The following SPESP1 variants were observed in gnomAD, a reference collection of about 807,000 sequenced individuals.
SPESP1 encodes the protein equatorial segment protein.
In SPESP1, 1 loss-of-function variant was observed where a neutral mutation model predicts 3.1. That is an observed-to-expected ratio of 0.33 (90% CI 0.12 to 1.54). The LOEUF (loss-of-function observed/expected upper bound fraction) is 1.54. Ranked by LOEUF, SPESP1 falls within the 40% of genes most tolerant of loss-of-function variation. The pLI, the probability that SPESP1 is intolerant of heterozygous loss-of-function variation, is 0.38. For synonymous variants in SPESP1, 138 were observed against 150.7 expected (o/e 0.92, Z 0.62); for missense variants, 398 against 410.1 (o/e 0.97, Z 0.26).
At chr15:68,932,383 CT>C (rs1460116441) in intron 1 of SPESP1, among the ~76,000 whole-genome samples, 14 of 149,170 alleles carry the variant, frequency 9.4e-5, no homozygotes, top group South Asian at 2.1e-4. Context: ...CTCCCCTTCC[CT>C]TTTCCCCCCC....
intron 1 of SPESP1, among the ~76,000 whole-genome samples, chr15:68,941,810 T>C (rs1375552506): frequency 6.6e-6 from 1 of 152,234 alleles, no homozygotes; most frequent in Non-Finnish European, 1.5e-5. Flanking sequence ...ACTATAACTC[T>C]TCATATTGAT....
Position 68,943,622 on chromosome 15 carries a change from C to T in SPESP1, c.65-1977C>T, listed in dbSNP as rs370670063. 1.6e-3 allele frequency among the ~76,000 whole-genome samples: 247 copies of T among 152,136 alleles called. 1 individual carries two copies. The highest frequency in any genetic ancestry group is 5.7e-3 in the African/African-American group (236 of 41,498). On this transcript the variant is annotated intron_variant, in intron 1 of 1. Transcript: ENST00000310673. ...CAGAACTTCCACCTCAAGCAGCCAC[C>T]CCCTGATTTTACAGTTTTTGGGGGT... is the stretch of plus-strand genomic sequence containing the variant.
chr15:68,941,199 T>C (rs960328800), intron 1 of SPESP1, among the ~76,000 whole-genome samples: 10 of 152,312 alleles, frequency 6.6e-5, no homozygotes, highest in East Asian at 1.9e-4. Flanking sequence ...AGAAACATAT[T>C]AAATGTATAA....
chr15:68,939,534 A>G (rs968769756), intron 1 of SPESP1, among the ~76,000 whole-genome samples: 1 of 152,214 alleles, frequency 6.6e-6, no homozygotes, highest in African/African-American at 2.4e-5. Flanking sequence ...GCAAGAGCAG[A>G]CCTGATTAGT....
chr15:68,940,776 A>G (rs1895801695), intron 1 of SPESP1, among the ~76,000 whole-genome samples: 2 of 149,630 alleles, frequency 1.3e-5, no homozygotes, highest in South Asian at 4.2e-4. Context: ...TTTTTTTGCA[A>G]GACTACTTCA....
At chr15:68,934,595 C>T (rs1895636866) in intron 1 of SPESP1, among the ~76,000 whole-genome samples, 1 of 152,046 alleles carries the variant, frequency 6.6e-6, no homozygotes, top group Admixed American at 6.6e-5. Context: ...GTTTCATTAG[C>T]CTGTCCATTG....
At chr15:68,945,532 G>T (rs1376465820) in intron 1 of SPESP1, 67 bp from the exon 2 acceptor site, 35 of 1,286,386 alleles carry the variant, frequency 2.7e-5, no homozygotes, top group Non-Finnish European at 3.4e-5. Context: ...TTGGTCAGTA[G>T]ATTCTGTCAG....
Position 68,946,470 on chromosome 15 carries a change from A to G in SPESP1, c.936A>G (p.Glu312=). Reference sequence around the variant, plus strand: ...GTAATTCTAGATCTAAACTCTATGAATATTTAGATATTAAATGTGTTCCAC... The same window carrying G: ...GTAATTCTAGATCTAAACTCTATGAGTATTTAGATATTAAATGTGTTCCAC... ...MLCNSRSKLY[E]YLDIKCVPPE... Residue 312 remains glutamate (E), a synonymous_variant, in exon 2 of 2, where the codon GAA becomes GAG. Coordinates refer to ENST00000310673, the MANE Select transcript of SPESP1 (RefSeq NM_145658.4). 6.2e-7 allele frequency: 1 copy of G among 1,613,736 alleles called. No homozygotes were observed. Among genetic ancestry groups the G allele is most frequent in the South Asian group, 1.1e-5 (1 of 90,898 alleles).
At chr15:68,933,346 T>C (rs1014932993) in intron 1 of SPESP1, among the ~76,000 whole-genome samples, 3 of 151,840 alleles carry the variant, frequency 2.0e-5, no homozygotes, top group Admixed American at 6.6e-5. Flanking sequence ...CTCCTTTACA[T>C]ACACACACAC....
At chr15:68,943,615 C>T (rs1328612520) in intron 1 of SPESP1, among the ~76,000 whole-genome samples, 1 of 152,124 alleles carries the variant, frequency 6.6e-6, no homozygotes, top group Non-Finnish European at 1.5e-5. Context: ...CCACCTCAAG[C>T]AGCCACCCCC....
Position 68,945,679 on chromosome 15 carries a change from T to C in SPESP1, c.145T>C (p.Ser49Pro). ...VLENLVRSVP[S>P]GEPGREKKSN... is the part of the protein sequence containing the mutation. ...AGAGAACCTAGTACGAAGTGTTCCC[T>C]CTGGGGAGCCAGGTCGTGAGAAAAA... The change falls in exon 2 of 2, where the codon TCT becomes CCT. Residue 49 changes from serine (S) to proline (P), a missense_variant. Physicochemically the swap from Ser to Pro is moderately conservative, Grantham distance 74. Coordinates refer to ENST00000310673, the MANE Select transcript of SPESP1 (RefSeq NM_145658.4). 1 of 1,613,908 alleles carries C rather than the reference T, an allele frequency of 6.2e-7. No individual in the cohort carries two copies. Among genetic ancestry groups the C allele is most frequent in the Non-Finnish European group, 8.5e-7 (1 of 1,179,948 alleles).
chr15:68,944,410 C>CT (rs1343761460), intron 1 of SPESP1, among the ~76,000 whole-genome samples: 4 of 150,636 alleles, frequency 2.7e-5, no homozygotes, highest in Non-Finnish European at 5.9e-5. Context: ...TACCCTTGGG[C>CT]TTTTTTTGTC....
intron 1 of SPESP1, among the ~76,000 whole-genome samples, chr15:68,940,828 G>T (rs574543175): frequency 3.3e-5 from 5 of 150,018 alleles, no homozygotes; most frequent in Non-Finnish European, 5.9e-5. Flanking sequence ...ACATAACGTC[G>T]GATTTTTTGC....
At position 68,945,960 on chromosome 15, in the gene SPESP1, T is replaced by G. The variant is rs751005241; in HGVS notation, c.426T>G (p.Asn142Lys). The G allele has an allele frequency of 6.2e-7, 1 of 1,614,034 alleles. No individual in the cohort carries two copies. The highest frequency in any genetic ancestry group is 8.5e-7 in the Non-Finnish European group (1 of 1,180,006). The change falls in exon 2 of 2, where the codon AAT (asparagine) becomes AAG (lysine). Residue 142 changes from asparagine to lysine, a missense_variant. Asn to Lys is a moderately conservative substitution (Grantham distance 94, BLOSUM62 0). Transcript: ENST00000310673. Reference sequence around the variant, plus strand: ...ATGCAGAGGAACCTTATATTGAAAATGAAGAGCCAGAGCCAGAGCCGGAGC... The same window carrying G: ...ATGCAGAGGAACCTTATATTGAAAAGGAAGAGCCAGAGCCAGAGCCGGAGC... ...VLHAEEPYIE[N>K]EEPEPEPEPA...
At chr15:68,943,074 G>GGTGTGTGT (rs367666234) in intron 1 of SPESP1, among the ~76,000 whole-genome samples, 35 of 147,820 alleles carry the variant, frequency 2.4e-4, no homozygotes, top group African/African-American at 7.9e-4. Context: ...TTAAATGATT[G>GGTGTGTGT]GTGTGTGTGT....
chr15:68,946,064 A>T lies in SPESP1; in HGVS notation c.530A>T (p.Tyr177Phe), dbSNP rs760399415. The T allele has an allele frequency of 3.3e-5, 53 of 1,614,118 alleles. No individual in the cohort carries two copies. Among genetic ancestry groups the T allele is most frequent in the Non-Finnish European group, 3.7e-5 (44 of 1,180,042 alleles). ...TCTACAAGTCCATATGTTACCTCATACAAGTCACCTGTCACCACTTTAGAT... is the reference window on the plus strand; with the variant it reads ...TCTACAAGTCCATATGTTACCTCATTCAAGTCACCTGTCACCACTTTAGAT... Reference protein sequence around the residue: ...ESSTSPYVTSYKSPVTTLDKS... With the variant: ...ESSTSPYVTSFKSPVTTLDKS... Residue 177 changes from tyrosine to phenylalanine, a missense_variant, in exon 2 of 2, where the codon TAC becomes TTC. By Grantham distance (22) the Tyr-to-Phe change is conservative. Transcript: ENST00000310673.
Position 68,946,152 on chromosome 15 carries a change from T to G in SPESP1, c.618T>G (p.Thr206=). The change falls in exon 2 of 2, where the codon ACT becomes ACG. Residue 206 remains threonine (T), a synonymous_variant. Transcript: ENST00000310673. Reference sequence around the variant, plus strand: ...ATGTTCCTCAGCTCTCAGGTGAAACTGCGATAGAAAAACCCGAAGAGTTTG... The same window carrying G: ...ATGTTCCTCAGCTCTCAGGTGAAACGGCGATAGAAAAACCCGAAGAGTTTG... The part of the protein sequence containing the change: ...SEDVPQLSGE[T]AIEKPEEFGK... The G allele has an allele frequency of 6.2e-7, 1 of 1,614,152 alleles. No homozygotes were observed. The highest frequency in any genetic ancestry group is 8.5e-7 in the Non-Finnish European group (1 of 1,180,034).
chr15:68,932,791 AT>A (rs1223920945), intron 1 of SPESP1, among the ~76,000 whole-genome samples: 1 of 152,136 alleles, frequency 6.6e-6, no homozygotes, highest in African/African-American at 2.4e-5. Context: ...AAAAGGAGTG[AT>A]TTTGTGTTGA....
Position 68,946,795 on chromosome 15 carries a change from A to G in SPESP1, c.*208A>G, listed in dbSNP as rs1357971996. On this transcript the variant is annotated 3_prime_UTR_variant, in exon 2 of 2. Coordinates refer to ENST00000310673, the MANE Select transcript of SPESP1 (RefSeq NM_145658.4). ...ATGCACTAAAAACCTAATTTAAAATAAAATTTTGGTTCAGGAGTTTGTAGT... is the reference window on the plus strand; with the variant it reads ...ATGCACTAAAAACCTAATTTAAAATGAAATTTTGGTTCAGGAGTTTGTAGT... 3 of 578,256 alleles carry G rather than the reference A, an allele frequency of 5.2e-6. No individual in the cohort carries two copies. Among genetic ancestry groups the G allele is most frequent in the Non-Finnish European group, 7.3e-6 (3 of 410,468 alleles). 35.8% of individuals were successfully genotyped at this position (578,256 alleles called of 1,614,324 possible). A position where few individuals can be genotyped will look rare whatever the true frequency, so the allele number is the denominator to read the frequency against.
Sources: allele counts gnomAD v4.1 joint callset (sites outside exome capture counted in the v4.1 genomes callset), GRCh38; gene constraint gnomAD v4.1.1; transcripts MANE v1.5; gene names NCBI Gene and HGNC (gene_info 2026-07-23, HGNC 2026-07-21).